Variants in SMYD3 observed in about 807,000 individuals in gnomAD.
The protein encoded by SMYD3 is histone-lysine N-methyltransferase SMYD3.
Under a neutral mutation model 57.7 loss-of-function variants are expected in SMYD3, and 36 were observed. That is an observed-to-expected ratio of 0.62 (90% CI 0.48 to 0.82). The LOEUF is 0.82. SMYD3 is among the 40% of genes least tolerant of loss of function. The pLI is 0.00. For missense variants in SMYD3, 515 were observed against 538.8 expected, an observed-to-expected ratio of 0.96 and a Z score of 0.44; for synonymous variants, 211 against 195.0, an observed-to-expected ratio of 1.08 and a Z score of -0.68.
intron 5 of SMYD3, among the ~76,000 whole-genome samples, chr1:246,001,399 G>C (rs769458133): frequency 1.3e-5 from 2 of 152,108 alleles, no homozygotes; most frequent in Non-Finnish European, 2.9e-5. Flanking sequence ...CAACCTTATA[G>C]GGTGCAGATG....
chr1:246,139,818 A>G (rs1489740717), intron 5 of SMYD3, among the ~76,000 whole-genome samples: 2 of 152,240 alleles, frequency 1.3e-5, no homozygotes, highest in African/African-American at 4.8e-5. Context: ...AAGACAGCAA[A>G]GAATCCTGCT....
At chr1:245,980,931 C>T (rs1444604440) in intron 5 of SMYD3, among the ~76,000 whole-genome samples, 2 of 152,150 alleles carry the variant, frequency 1.3e-5, no homozygotes, top group Admixed American at 6.5e-5. Flanking sequence ...TTATGTATTG[C>T]TTATGGCTGC....
At chr1:246,083,619 G>A (rs2060679662) in intron 5 of SMYD3, among the ~76,000 whole-genome samples, 1 of 152,144 alleles carries the variant, frequency 6.6e-6, no homozygotes, top group South Asian at 2.1e-4. Flanking sequence ...AAGTGTGGAG[G>A]GGCAGGCCAC....
chr1:246,016,184 TTG>T (rs2059373550), intron 5 of SMYD3, among the ~76,000 whole-genome samples: 1 of 151,476 alleles, frequency 6.6e-6, no homozygotes, highest in Non-Finnish European at 1.5e-5. Context: ...GGAGGATTGC[TTG>T]AGCCCAGGAG....
At chr1:246,445,921 C>T (rs1394910397) in intron 1 of SMYD3, among the ~76,000 whole-genome samples, 2 of 151,658 alleles carry the variant, frequency 1.3e-5, no homozygotes, top group Non-Finnish European at 2.9e-5. Flanking sequence ...AAAAGCAAGG[C>T]ATTACTGTAC....
In SMYD3 at chr1:246,487,266, GCCAAACCCCA is replaced by G. The variant is rs2068202836; in HGVS notation, c.164+19778_164+19787del. On this transcript the variant is annotated intron_variant, in intron 1 of 11. Coordinates refer to ENST00000490107, the MANE Select transcript of SMYD3 (RefSeq NM_001167740.2). ...GTTTGAAACCAGCCTGGCCAATATA[GCCAAACCCCA>G]TCTCTACTTAAAATACAAAAATTAG... Among the ~76,000 whole-genome samples, 22 of 152,228 alleles carry G rather than the reference GCCAAACCCCA, an allele frequency of 1.4e-4. No homozygotes were observed. The South Asian group carries it at 4.6e-3, about 32-fold the overall frequency.
intron 2 of SMYD3, among the ~76,000 whole-genome samples, chr1:246,354,016 CA>C (rs66555956): frequency 0.017 from 2,541 of 152,140 alleles, 68 homozygotes; most frequent in East Asian, 0.085. Context: ...AAATTACTTT[CA>C]AAGGATAAAA....
chr1:245,906,078 G>T (rs904106264), intron 8 of SMYD3, among the ~76,000 whole-genome samples: 1 of 152,140 alleles, frequency 6.6e-6, no homozygotes, highest in African/African-American at 2.4e-5. Context: ...AGGACACTGG[G>T]CTGGGCAAAG....
chr1:246,147,154 C>T (rs2061858541), intron 5 of SMYD3, among the ~76,000 whole-genome samples: 3 of 151,438 alleles, frequency 2.0e-5, no homozygotes, highest in Non-Finnish European at 2.9e-5. Context: ...GGCTGCATGG[C>T]ACATTTTTCA....
At chr1:246,006,823 G>A (rs924737866) in intron 5 of SMYD3, among the ~76,000 whole-genome samples, 2 of 152,046 alleles carry the variant, frequency 1.3e-5, no homozygotes, top group Non-Finnish European at 1.5e-5. Flanking sequence ...ACACATAATC[G>A]CGGGGCTATT....
Position 245,970,022 on chromosome 1 carries a change from G to A in SMYD3, c.532-40085C>T, listed in dbSNP as rs893785613. ...TAGCTAAGACAATCCTAAGCAAAAA[G>A]AACAAAGCTGGAGGCATCATGCTAC... On this transcript the variant is annotated intron_variant, in intron 5 of 11. Transcript: ENST00000490107. 2.0e-5 allele frequency among the ~76,000 whole-genome samples: 3 copies of A among 152,158 alleles called. No individual in the cohort carries two copies. The South Asian group carries it at 6.2e-4, about 32-fold the overall frequency.
intron 10 of SMYD3, among the ~76,000 whole-genome samples, chr1:245,806,390 C>G (rs770413871): frequency 2.2e-4 from 34 of 152,184 alleles, no homozygotes; most frequent in Admixed American, 5.9e-4. Flanking sequence ...GAGGTAGGTA[C>G]TGTAAATAAA....
At chr1:246,061,134 A>T (rs1387183908) in intron 5 of SMYD3, among the ~76,000 whole-genome samples, 1 of 151,900 alleles carries the variant, frequency 6.6e-6, no homozygotes, top group Non-Finnish European at 1.5e-5. Flanking sequence ...GAGGCAGGAG[A>T]ACGGCATGAA....
At chr1:245,858,796 G>T in intron 9 of SMYD3, 126 bp from the exon 10 acceptor site, 2 of 938,686 alleles carry the variant, frequency 2.1e-6, no homozygotes, top group South Asian at 1.7e-5. Flanking sequence ...ATTTTTCACA[G>T]ATGAGCTGCC....
At chr1:245,812,190 A>G (rs1439329445) in intron 10 of SMYD3, among the ~76,000 whole-genome samples, 1 of 152,086 alleles carries the variant, frequency 6.6e-6, no homozygotes, top group East Asian at 1.9e-4. Flanking sequence ...CTCCCAGAAA[A>G]CCATAAGGAT....
intron 10 of SMYD3, among the ~76,000 whole-genome samples, chr1:245,771,718 T>C (rs1200370320): frequency 6.6e-6 from 1 of 152,184 alleles, no homozygotes; most frequent in Non-Finnish European, 1.5e-5. Context: ...ATAGAGTCAG[T>C]CTTCTGATGT....
chr1:245,787,244 C>T (rs570076939), intron 10 of SMYD3, among the ~76,000 whole-genome samples: 1 of 152,156 alleles, frequency 6.6e-6, no homozygotes, highest in Admixed American at 6.5e-5. Context: ...AAAATGGGCT[C>T]ATTTATGCTG....
intron 1 of SMYD3, among the ~76,000 whole-genome samples, chr1:246,362,300 T>A (rs1402211910): frequency 1.3e-5 from 2 of 152,216 alleles, no homozygotes; most frequent in African/African-American, 4.8e-5. Flanking sequence ...AAAATTCCAT[T>A]TAATTCAATT....
At chr1:245,753,913 G>A (rs569098038) in intron 11 of SMYD3, among the ~76,000 whole-genome samples, 2 of 152,292 alleles carry the variant, frequency 1.3e-5, no homozygotes, top group Admixed American at 6.5e-5. Flanking sequence ...ATTGGAGCAG[G>A]CTGGTGTTGG....
Sources: gnomAD v4.1 joint callset for allele counts (sites outside exome capture counted in the v4.1 genomes callset) on GRCh38, gnomAD v4.1.1 for gene constraint, MANE v1.5 for transcripts, NCBI Gene and HGNC (gene_info 2026-07-23, HGNC 2026-07-21) for gene names.